CTCF: variants seen among roughly 807,000 people sequenced by gnomAD.
The protein encoded by CTCF is CCCTC-binding factor.
In CTCF, 7 loss-of-function variants were observed where a neutral mutation model predicts 72.3. That is an observed-to-expected ratio of 0.10 (90% CI 0.06 to 0.18). The LOEUF is 0.18. Ranked by LOEUF, CTCF falls within the 10% of genes least tolerant of loss-of-function variation. CTCF has a pLI of 1.00. For missense variants in CTCF, 516 were observed against 949.1 expected (o/e 0.54, Z 6.00); for synonymous variants, 374 against 315.8 (o/e 1.18, Z -1.95).
chr16:67,572,478 C>G (rs1313996623), intron 2 of CTCF: 1 of 152,152 alleles, frequency 6.6e-6, no homozygotes, highest in African/African-American at 2.4e-5. Context: ...TATGAATACC[C>G]TTAGGGAATC....
intron 11 of CTCF, 74 bp from the exon 12 acceptor site, chr16:67,637,614 G>C: frequency 1.5e-6 from 2 of 1,295,720 alleles, no homozygotes; most frequent in South Asian, 2.7e-5. Context: ...CCCGTTCGCT[G>C]TCAGTCTAAA....
chr16:67,632,097 A>T (rs2052373593), intron 10 of CTCF, among the ~76,000 whole-genome samples: 2 of 148,210 alleles, frequency 1.3e-5, no homozygotes, highest in Admixed American at 1.3e-4. Context: ...AAAGGGAAAA[A>T]AATTATTGCA....
intron 5 of CTCF, among the ~76,000 whole-genome samples, 153 bp downstream of exon 5, chr16:67,617,031 A>G (rs1385385406): frequency 6.6e-6 from 1 of 152,174 alleles, no homozygotes. Context: ...CCCCCAAAAA[A>G]CTTATGATGA....
At chr16:67,604,543 A>G (rs1033072549) in intron 2 of CTCF, among the ~76,000 whole-genome samples, 10 of 151,982 alleles carry the variant, frequency 6.6e-5, no homozygotes, top group Non-Finnish European at 1.5e-4. Context: ...GGATTTCGCC[A>G]TGTTAGCCAG....
intron 2 of CTCF, among the ~76,000 whole-genome samples, chr16:67,602,376 C>T (rs539091499): frequency 6.6e-6 from 1 of 152,314 alleles, no homozygotes; most frequent in Non-Finnish European, 1.5e-5. Context: ...ACCACATTTA[C>T]ATTCACAGCA....
At chr16:67,574,744 C>T (rs1246874572) in intron 2 of CTCF, among the ~76,000 whole-genome samples, 2 of 148,930 alleles carry the variant, frequency 1.3e-5, no homozygotes, top group African/African-American at 5.0e-5. Flanking sequence ...CTGCAAGCTC[C>T]GCATCCCAGG....
rs776067165 is a variant in CTCF, at chr16:67,636,793, C to T, written c.1941C>T (p.Pro647=). ...AGCCTGTGACCCCAGCCCCACCACC[C>T]GCCAAGAAGCGGAGAGGACGACCCC... The part of the protein sequence containing the change: ...EPQPVTPAPP[P]AKKRRGRPPG... The change falls in exon 11 of 12, where the codon CCC becomes CCT. Residue 647 remains proline, a synonymous_variant. Transcript: ENST00000264010. 26 of 1,602,212 alleles carry T rather than the reference C, an allele frequency of 1.6e-5. 1 individual carries two copies. The highest frequency in any genetic ancestry group is 3.4e-5 in the South Asian group (3 of 88,572).
At chr16:67,597,248 C>T (rs2051826788) in intron 2 of CTCF, among the ~76,000 whole-genome samples, 1 of 152,076 alleles carries the variant, frequency 6.6e-6, no homozygotes, top group African/African-American at 2.4e-5. Flanking sequence ...GTTTCCCAAG[C>T]CAATCTCGAA....
chr16:67,567,097 C>A (rs956344424), intron 1 of CTCF, among the ~76,000 whole-genome samples: 2 of 152,140 alleles, frequency 1.3e-5, no homozygotes, highest in African/African-American at 4.8e-5. Flanking sequence ...CTGCCTTGGC[C>A]TCCCAAAGTG....
intron 7 of CTCF, among the ~76,000 whole-genome samples, chr16:67,625,999 TC>T (rs2052280956): frequency 6.6e-6 from 1 of 152,006 alleles, no homozygotes; most frequent in African/African-American, 2.4e-5. Context: ...TTCTTCCCCT[TC>T]CATCCACACC....
At chr16:67,564,294 C>T (rs1417251590) in intron 1 of CTCF, among the ~76,000 whole-genome samples, 1 of 152,186 alleles carries the variant, frequency 6.6e-6, no homozygotes, top group East Asian at 1.9e-4. Flanking sequence ...TGTATCAGTT[C>T]GGGTTGTTTT....
At chr16:67,572,243 AAGG>A (rs1484997015) in intron 2 of CTCF, among the ~76,000 whole-genome samples, 2 of 152,188 alleles carry the variant, frequency 1.3e-5, no homozygotes, top group Non-Finnish European at 2.9e-5. Flanking sequence ...GCTAGATGGG[AAGG>A]AGAAGGTCTG....
chr16:67,604,759 T>G (rs9931985), intron 2 of CTCF, among the ~76,000 whole-genome samples: 2,607 of 149,966 alleles, frequency 0.017, 111 homozygotes, highest in African/African-American at 0.06. Context: ...TTTGTTTTTT[T>G]TTTTTACTTT....
rs1449922957 is a variant in CTCF at position 67,562,645 on chromosome 16, G to C, written c.-206G>C. On this transcript the variant is annotated 5_prime_UTR_variant, in exon 1 of 12. Coordinates refer to ENST00000264010, the MANE Select transcript of CTCF (RefSeq NM_006565.4). ...CGGCGGCGGTGGCCGGTGCGGACGCGCGGAGCTCGCCGGAGACGCCGGGTG... is the reference window on the plus strand; with the variant it reads ...CGGCGGCGGTGGCCGGTGCGGACGCCCGGAGCTCGCCGGAGACGCCGGGTG... 2.0e-5 allele frequency: 3 copies of C among 153,000 alleles called. No individual in the cohort carries two copies. Among genetic ancestry groups the C allele is most frequent in the African/African-American group, 7.3e-5 (3 of 41,292 alleles). The allele number at this position is 153,000 out of a possible 1,614,324, so 9.5% of individuals were successfully genotyped here.
chr16:67,629,604 TGGATATGCTG>T (rs2052335542), intron 10 of CTCF, 71 bp downstream of exon 10: 1 of 1,517,088 alleles, frequency 6.6e-7, no homozygotes, highest in South Asian at 1.2e-5. Flanking sequence ...TGTTTATGTA[TGGATATGCTG>T]GGATATAGAG....
At chr16:67,630,234 A>G (rs899715794) in intron 10 of CTCF, among the ~76,000 whole-genome samples, 4 of 152,150 alleles carry the variant, frequency 2.6e-5, no homozygotes, top group Non-Finnish European at 4.4e-5. Flanking sequence ...AGTGAATCTA[A>G]TGGACATGAA....
At chr16:67,599,633 T>G (rs943801088) in intron 2 of CTCF, among the ~76,000 whole-genome samples, 4 of 152,144 alleles carry the variant, frequency 2.6e-5, no homozygotes, top group Non-Finnish European at 5.9e-5. Context: ...TACACAGAAG[T>G]TGACTGAATA....
At chr16:67,637,034 C>T (rs987901542) in intron 11 of CTCF, among the ~76,000 whole-genome samples, 183 bp downstream of exon 11, 2 of 152,014 alleles carry the variant, frequency 1.3e-5, no homozygotes, top group African/African-American at 4.8e-5. Flanking sequence ...CTGAGGAAGT[C>T]TTTAGAGGCC....
At chr16:67,581,946 G>GAGCAC (rs2051588687) in intron 2 of CTCF, among the ~76,000 whole-genome samples, 1 of 152,054 alleles carries the variant, frequency 6.6e-6, no homozygotes, top group Non-Finnish European at 1.5e-5. Flanking sequence ...TTTGTTGGCC[G>GAGCAC]GGTGCAGTGG....
Sources: allele counts gnomAD v4.1 joint callset (sites outside exome capture counted in the v4.1 genomes callset), GRCh38; gene constraint gnomAD v4.1.1; transcripts MANE v1.5; gene names NCBI Gene and HGNC (gene_info 2026-07-23, HGNC 2026-07-21).